SLC3A2: variants seen among roughly 807,000 people sequenced by gnomAD.
SLC3A2 encodes solute carrier family 3 member 2.
In SLC3A2, 32 loss-of-function variants were observed where a neutral mutation model predicts 48.5. The observed-to-expected ratio is 0.66, with a 90% CI of 0.50 to 0.89. SLC3A2 has a LOEUF of 0.89. SLC3A2 is among the 40% of genes least tolerant of loss of function. The probability of loss-of-function intolerance (pLI) is 0.00; values close to 1 mark genes in which losing one functional copy is unlikely to be tolerated. For missense variants in SLC3A2, 587 were observed against 680.7 expected (o/e 0.86, Z 1.53); for synonymous variants, 277 against 288.8 (o/e 0.96, Z 0.41).
chr11:62,862,004 A>T (rs2085404243), intron 1 of SLC3A2, among the ~76,000 whole-genome samples: 1 of 150,758 alleles, frequency 6.6e-6, no homozygotes, highest in Non-Finnish European at 1.5e-5. Flanking sequence ...TATAGCCCAA[A>T]TTGATCAATA....
upstream of SLC3A2, among the ~76,000 whole-genome samples, chr11:62,878,728 C>T (rs905576663): frequency 2.0e-5 from 3 of 149,954 alleles, no homozygotes; most frequent in South Asian, 2.1e-4. Flanking sequence ...CCACCTGCCT[C>T]GGCCTCCCAA....
chr11:62,871,815 AC>A (rs1273493540), intron 1 of SLC3A2: 1 of 354,894 alleles, frequency 2.8e-6, no homozygotes, highest in Non-Finnish European at 5.0e-6. Flanking sequence ...CAAAGTTCTC[AC>A]CACCAGATAT....
At chr11:62,871,500 A>G in intron 1 of SLC3A2, 1 of 477,400 alleles carries the variant, frequency 2.1e-6, no homozygotes, top group South Asian at 3.2e-5. Context: ...TCGGCCTCCC[A>G]AAGTGCTGGG....
At chr11:62,871,565 T>C (rs1310608118) in intron 1 of SLC3A2, 1 of 636,080 alleles carries the variant, frequency 1.6e-6, no homozygotes, top group Non-Finnish European at 2.8e-6. Context: ...TTATTATTAT[T>C]ATTATTTGTA....
chr11:62,888,265 G>A (rs1333395370), intron 8 of SLC3A2, 47 bp downstream of exon 8: 2 of 1,610,428 alleles, frequency 1.2e-6, no homozygotes, highest in Admixed American at 1.7e-5. Context: ...GGGTGGGCTG[G>A]GCTTGTAGAA....
upstream of SLC3A2, chr11:62,880,882 G>C: frequency 7.0e-7 from 1 of 1,421,862 alleles, no homozygotes; most frequent in Non-Finnish European, 9.2e-7. Flanking sequence ...CAGAGGCCGC[G>C]CCTGCTGCTG....
rs559954983 is a variant in SLC3A2 at position 62,888,262 on chromosome 11, C to T, written c.1227+44C>T. The T allele has an allele frequency of 2.7e-5, 43 of 1,609,888 alleles. No individual in the cohort carries two copies. The South Asian group carries it at 3.0e-4, about 11-fold the overall frequency. ...TAGAAACTGACCGGTGGAGGGTGGG[C>T]TGGGCTTGTAGAAGTCTGTACCCAG... On this transcript the variant is annotated intron_variant, in intron 8 of 8. Coordinates refer to ENST00000338663, the MANE Select transcript of SLC3A2 (RefSeq NM_001013251.3).
At position 62,881,755 on chromosome 11, in the gene SLC3A2, TCTCGTGATTCAGC is replaced by T; in HGVS notation, c.425-135_425-123del. On this transcript the variant is annotated intron_variant, in intron 1 of 8. Transcript: ENST00000338663. This position sits in a 1 kb window ranked among gnomAD's most constrained non-coding sequence, Gnocchi z 4.0. ...GACTCCTTACATCAGCTCCTCTGAG[TCTCGTGATTCAGC>T]CTTGCCTCCCTCTCTCCCCCTTTGC... 1 of 990,752 alleles carries T rather than the reference TCTCGTGATTCAGC, an allele frequency of 1.0e-6. No homozygotes were observed. The highest frequency in any genetic ancestry group is 1.6e-5 in the South Asian group (1 of 60,834). The allele number at this position is 990,752 out of a possible 1,614,324, so 61.4% of individuals were successfully genotyped here. A position where few individuals can be genotyped will look rare whatever the true frequency, so the allele number is the denominator to read the frequency against.
intron 5 of SLC3A2, among the ~76,000 whole-genome samples, 173 bp downstream of exon 5, chr11:62,884,863 C>A (rs948175367): frequency 1.0e-5 from 1 of 95,478 alleles, no homozygotes; most frequent in Non-Finnish European, 2.0e-5. Flanking sequence ...TGGAGTTCCG[C>A]TCTTTTTGCC....
chr11:62,873,728 G>A (rs1053213279), intron 1 of SLC3A2, among the ~76,000 whole-genome samples: 1 of 152,044 alleles, frequency 6.6e-6, no homozygotes, highest in Non-Finnish European at 1.5e-5. Context: ...TCCCATTTTG[G>A]CCTCCCAAAT....
intron 2 of SLC3A2, chr11:62,882,304 C>A: frequency 6.2e-6 from 3 of 483,086 alleles, no homozygotes; most frequent in South Asian, 2.6e-5. Context: ...CCCTTATTTG[C>A]AAAATATAGA....
intron 1 of SLC3A2, among the ~76,000 whole-genome samples, chr11:62,857,695 C>CAAAA (rs56818745): frequency 7.6e-5 from 4 of 52,790 alleles, no homozygotes; most frequent in African/African-American, 7.9e-5. Flanking sequence ...GACCCTGTCT[C>CAAAA]AAAAAAAAAA....
rs1157441170 is a variant in SLC3A2, at chr11:62,881,321, G to T, written c.298G>T (p.Val100Leu). 3 of 1,581,870 alleles carry T rather than the reference G, an allele frequency of 1.9e-6. No homozygotes were observed. In the East Asian group the frequency reaches 7.0e-5, roughly 37 times the overall value. ...LGWLGMLAGAVVIIVRAPRCR... is the reference protein window; with the variant it reads ...LGWLGMLAGALVIIVRAPRCR... ...CTGGCTCGGCATGCTTGCTGGTGCC[G>T]TGGTCATAATCGTGCGAGCGCCGCG... is the stretch of plus-strand genomic sequence containing the variant. Residue 100 changes from valine to leucine, a missense_variant, in exon 1 of 9, where the codon GTG becomes TTG. Transcript: ENST00000338663. This position sits in a 1 kb window ranked among gnomAD's most constrained non-coding sequence, Gnocchi z 4.0.
exon 1 of SLC3A2, chr11:62,856,241 C>CA (rs2085318033): frequency 5.7e-6 from 9 of 1,585,498 alleles, no homozygotes; most frequent in Non-Finnish European, 7.8e-6. Context: ...TGCCCACACA[C>CA]CCCAAACCTG....
chr11:62,882,180 G>A, intron 2 of SLC3A2, 114 bp downstream of exon 2: 1 of 1,215,008 alleles, frequency 8.2e-7, no homozygotes, highest in Non-Finnish European at 1.2e-6. Flanking sequence ...TCCTAGGGCA[G>A]GTAGAGGGGA....
chr11:62,878,931 T>C (rs182709069), upstream of SLC3A2, among the ~76,000 whole-genome samples: 136 of 151,588 alleles, frequency 9.0e-4, no homozygotes, highest in African/African-American at 3.1e-3. Flanking sequence ...TGCTACTATG[T>C]CCAGTTAATT....
chr11:62,880,946 C>G lies in SLC3A2; in HGVS notation c.-78C>G, dbSNP rs1159049811. On this transcript the variant is annotated 5_prime_UTR_variant, in exon 1 of 9. Coordinates refer to ENST00000338663, the MANE Select transcript of SLC3A2 (RefSeq NM_001013251.3). ...AGGCACAGAGGCCGGGGAGAGCGTT[C>G]TGGGTCCGAGGGTCCAGGTAGGGGT... 6 of 1,485,694 alleles carry G rather than the reference C, an allele frequency of 4.0e-6. No homozygotes were observed. The East Asian group carries it at 7.0e-5, about 17-fold the overall frequency. The allele number at this position is 1,485,694 out of a possible 1,614,324, so 92.0% of individuals were successfully genotyped here.
chr11:62,879,842 GTC>G (rs1283312734), upstream of SLC3A2, among the ~76,000 whole-genome samples: 1 of 152,188 alleles, frequency 6.6e-6, no homozygotes, highest in Non-Finnish European at 1.5e-5. Flanking sequence ...TGTGAACCCT[GTC>G]TCTGCCCCAC....
At chr11:62,879,556 A>C (rs1325575250), upstream of SLC3A2, among the ~76,000 whole-genome samples, 1 of 152,162 alleles carries the variant, frequency 6.6e-6, no homozygotes, top group Non-Finnish European at 1.5e-5. Flanking sequence ...TGCCCCGTGC[A>C]CCCCTTGTTC....
Sources: gnomAD v4.1 joint callset for allele counts (sites outside exome capture counted in the v4.1 genomes callset) on GRCh38, gnomAD v4.1.1 for gene constraint, Gnocchi (gnomAD v3.1) non-coding constraint, MANE v1.5 for transcripts, NCBI Gene and HGNC (gene_info 2026-07-23, HGNC 2026-07-21) for gene names.